GALNT14: variants seen among roughly 807,000 people sequenced by gnomAD.
GALNT14 encodes the protein UDP-GalNAc:polypeptide N-acetylgalactosaminyltransferase 14.
In GALNT14, 60 loss-of-function variants were observed where a neutral mutation model predicts 77.5. The ratio of observed to expected loss-of-function variants is 0.77; its 90% CI spans 0.63 to 0.96. The LOEUF (loss-of-function observed/expected upper bound fraction) is 0.96. Among genes scored for constraint, GALNT14 ranks in the 40% least tolerant of loss-of-function variants. GALNT14 has a pLI of 0.00. For synonymous variants in GALNT14, 280 were observed against 281.7 expected (o/e 0.99, Z 0.06); for missense variants, 710 against 731.0 (o/e 0.97, Z 0.33).
At position 30,987,559 on chromosome 2, in the gene GALNT14, C is replaced by T. The variant is rs142638940; in HGVS notation, c.299+5279G>A. On this transcript the variant is annotated intron_variant, in intron 2 of 14. Transcript: ENST00000349752. ...TGGCTACTCGCTTCCATTCCAGATACGGAAATTAAGCCCCCAGGCCTCTCT... is the reference window on the plus strand; with the variant it reads ...TGGCTACTCGCTTCCATTCCAGATATGGAAATTAAGCCCCCAGGCCTCTCT... Among the ~76,000 whole-genome samples, 187 of 152,320 alleles carry T rather than the reference C, an allele frequency of 1.2e-3. 1 individual carries two copies. Among genetic ancestry groups the T allele is most frequent in the South Asian group, 8.3e-3 (40 of 4,824 alleles).
intron 1 of GALNT14, among the ~76,000 whole-genome samples, chr2:31,052,411 T>A (rs1673930619): frequency 4.0e-5 from 6 of 151,782 alleles, no homozygotes; most frequent in Admixed American, 3.9e-4. Flanking sequence ...ACCCTAGAGG[T>A]CAAACAACAG....
At chr2:31,028,728 C>G (rs1168606159) in intron 1 of GALNT14, among the ~76,000 whole-genome samples, 1 of 152,142 alleles carries the variant, frequency 6.6e-6, no homozygotes, top group African/African-American at 2.4e-5. Context: ...AGCCATCAGC[C>G]CAGGGATTTA....
intron 1 of GALNT14, among the ~76,000 whole-genome samples, chr2:31,078,776 G>A (rs1675971541): frequency 6.6e-6 from 1 of 152,190 alleles, no homozygotes; most frequent in African/African-American, 2.4e-5. Flanking sequence ...AAGCAGGCAA[G>A]CAGGCAGCAT....
intron 1 of GALNT14, among the ~76,000 whole-genome samples, chr2:31,067,855 G>A (rs529835340): frequency 2.6e-5 from 4 of 152,308 alleles, no homozygotes; most frequent in African/African-American, 4.8e-5. Flanking sequence ...TGGCTAAGGC[G>A]AGTCAGGTAG....
intron 1 of GALNT14, among the ~76,000 whole-genome samples, chr2:31,081,632 G>A (rs990920458): frequency 2.6e-5 from 4 of 152,290 alleles, no homozygotes; most frequent in South Asian, 2.1e-4. Flanking sequence ...ATTAGCTTTG[G>A]TAAATAAAAT....
At chr2:31,028,910 T>C (rs994803169) in intron 1 of GALNT14, among the ~76,000 whole-genome samples, 2 of 152,088 alleles carry the variant, frequency 1.3e-5, no homozygotes, top group African/African-American at 4.8e-5. Flanking sequence ...AGCTTAAAGT[T>C]GAGGGATTGG....
At chr2:31,035,636 C>T (rs74175093) in intron 1 of GALNT14, among the ~76,000 whole-genome samples, 40,044 of 137,468 alleles carry the variant, frequency 0.29, 6,582 homozygotes, top group Admixed American at 0.43. Flanking sequence ...CACACACACA[C>T]ACACACACAC....
intron 9 of GALNT14, among the ~76,000 whole-genome samples, chr2:30,939,929 G>A (rs550609759): frequency 1.2e-4 from 18 of 151,276 alleles, no homozygotes; most frequent in Non-Finnish European, 1.9e-4. Context: ...ATCCCCACCC[G>A]CAGATGTGAC....
At chr2:30,963,883 A>G (rs1457126302) in intron 3 of GALNT14, among the ~76,000 whole-genome samples, 1 of 152,194 alleles carries the variant, frequency 6.6e-6, no homozygotes, top group Non-Finnish European at 1.5e-5. Flanking sequence ...TAGCAACCCT[A>G]TGCACTAAGT....
intron 1 of GALNT14, among the ~76,000 whole-genome samples, chr2:31,043,193 C>T (rs188867450): frequency 6.6e-6 from 1 of 152,266 alleles, no homozygotes; most frequent in East Asian, 1.9e-4. Context: ...AAGTCCCTCA[C>T]CTCCTTAAGT....
chr2:30,995,590 C>A (rs533870633), intron 1 of GALNT14, among the ~76,000 whole-genome samples: 5 of 152,162 alleles, frequency 3.3e-5, no homozygotes, highest in Non-Finnish European at 5.9e-5. Flanking sequence ...AACACCTGGG[C>A]TCCAGCGATC....
At chr2:31,055,288 T>C (rs1674139434) in intron 1 of GALNT14, among the ~76,000 whole-genome samples, 1 of 152,240 alleles carries the variant, frequency 6.6e-6, no homozygotes, top group African/African-American at 2.4e-5. Flanking sequence ...ATACTGCTTT[T>C]CATTTATCCT....
chr2:31,099,707 C>G (rs1037157986), intron 1 of GALNT14, among the ~76,000 whole-genome samples: 4 of 151,992 alleles, frequency 2.6e-5, no homozygotes, highest in African/African-American at 9.7e-5. Context: ...TGATCATATG[C>G]ATTTGGATCT....
chr2:30,989,759 G>T (rs953108697), intron 2 of GALNT14, among the ~76,000 whole-genome samples: 23 of 146,552 alleles, frequency 1.6e-4, no homozygotes, highest in African/African-American at 5.8e-4. Flanking sequence ...ACTGAATTAG[G>T]TAGGATCATT....
At chr2:31,058,658 C>T (rs751627773) in intron 1 of GALNT14, among the ~76,000 whole-genome samples, 1 of 152,180 alleles carries the variant, frequency 6.6e-6, no homozygotes, top group Non-Finnish European at 1.5e-5. Flanking sequence ...GCTAGATTTA[C>T]TCATTTACCT....
chr2:30,989,117 C>T (rs752078512), intron 2 of GALNT14, among the ~76,000 whole-genome samples: 1 of 152,118 alleles, frequency 6.6e-6, no homozygotes, highest in Non-Finnish European at 1.5e-5. Flanking sequence ...GGCTGGGGAG[C>T]TTAGAAAAGA....
intron 1 of GALNT14, among the ~76,000 whole-genome samples, chr2:31,070,409 T>A (rs533218967): frequency 1.4e-4 from 22 of 152,338 alleles, no homozygotes; most frequent in African/African-American, 5.1e-4. Context: ...GGAACAGAGA[T>A]GCTGAGAGAC....
At chr2:31,127,456 C>T (rs888088451) in intron 1 of GALNT14, among the ~76,000 whole-genome samples, 7 of 152,218 alleles carry the variant, frequency 4.6e-5, no homozygotes, top group African/African-American at 1.7e-4. Flanking sequence ...TATTGGAACA[C>T]AGTGACACTA....
chr2:31,122,200 G>A (rs1003581005), intron 1 of GALNT14, among the ~76,000 whole-genome samples: 31 of 152,268 alleles, frequency 2.0e-4, no homozygotes, highest in Non-Finnish European at 5.9e-5. Flanking sequence ...AGGGGGCTCC[G>A]GGTACCACAG....
Sources: gnomAD v4.1 joint callset for allele counts (sites outside exome capture counted in the v4.1 genomes callset) on GRCh38, gnomAD v4.1.1 for gene constraint, MANE v1.5 for transcripts, NCBI Gene and HGNC (gene_info 2026-07-23, HGNC 2026-07-21) for gene names.